Variants in ESRRB observed in about 807,000 individuals in gnomAD.
ESRRB encodes steroid hormone receptor ERR2.
Under a neutral mutation model 46.0 loss-of-function variants are expected in ESRRB, and 16 were observed. That is an observed-to-expected ratio of 0.35 (90% CI 0.24 to 0.53). The LOEUF is 0.53. Among genes scored for constraint, ESRRB ranks in the 20% least tolerant of loss-of-function variants. The pLI is 0.93. For synonymous variants in ESRRB, 246 were observed against 259.6 expected, an observed-to-expected ratio of 0.95 and a Z score of 0.50; for missense variants, 488 against 607.4, an observed-to-expected ratio of 0.80 and a Z score of 2.07.
At chr14:76,463,445 G>GC (rs1888961932) in intron 3 of ESRRB, 1 of 114,738 alleles carries the variant, frequency 8.7e-6, no homozygotes, top group South Asian at 2.7e-4. Flanking sequence ...ATGCTTCTTT[G>GC]TTTTTTTTTT....
chr14:76,449,104 C>T (rs1317129368), intron 2 of ESRRB, among the ~76,000 whole-genome samples: 1 of 152,014 alleles, frequency 6.6e-6, no homozygotes, highest in African/African-American at 2.4e-5. Flanking sequence ...TTATTTTAAG[C>T]CATAAGTATA....
rs1887878282 is a variant in ESRRB at position 76,440,567 on chromosome 14, T to TCCTTCCTTTCTTCCTC, written c.460+825_460+840dup. Among the ~76,000 whole-genome samples the TCCTTCCTTTCTTCCTC allele has an allele frequency of 2.0e-5, 3 of 151,624 alleles. No homozygotes were observed. The South Asian group carries it at 6.3e-4, about 32-fold the overall frequency. On this transcript the variant is annotated intron_variant, in intron 2 of 6. Transcript: ENST00000644823. ...GACCGACCTTCCTTCATTCCTTCCT[T>TCCTTCCTTTCTTCCTC]CCTTCCTTTCTTCCTCCCTTCCTCT...
At chr14:76,420,773 G>A (rs1886922635) in intron 1 of ESRRB, among the ~76,000 whole-genome samples, 1 of 152,136 alleles carries the variant, frequency 6.6e-6, no homozygotes, top group Non-Finnish European at 1.5e-5. Context: ...CCTGGAACCG[G>A]TGGCCACCAT....
chr14:76,391,644 G>A (rs927522632), intron 1 of ESRRB, among the ~76,000 whole-genome samples: 4 of 152,218 alleles, frequency 2.6e-5, no homozygotes, highest in African/African-American at 9.7e-5. Context: ...CTCCTCAAGG[G>A]CCCATCTGGT....
intron 1 of ESRRB, among the ~76,000 whole-genome samples, chr14:76,353,521 G>A (rs1023898810): frequency 6.6e-6 from 1 of 152,108 alleles, no homozygotes; most frequent in Non-Finnish European, 1.5e-5. Flanking sequence ...TTTATGAACC[G>A]CTAAGCATGT....
chr14:76,358,323 AAAAGAAAGAAAGAAAGAAAGAAAG>A (rs869092343), intron 1 of ESRRB, among the ~76,000 whole-genome samples: 4,489 of 52,906 alleles, frequency 0.085, 522 homozygotes, highest in East Asian at 0.1. Flanking sequence ...AAAAAAAAAA[AAAAGAAAGAAAGAAAGAAAGAAAG>A]AAAGAAAGAA....
chr14:76,344,113 C>T (rs538283097), intron 1 of ESRRB, among the ~76,000 whole-genome samples: 4 of 152,262 alleles, frequency 2.6e-5, no homozygotes, highest in African/African-American at 9.6e-5. Flanking sequence ...TCAGTTTTCT[C>T]ATCTGTAAAA....
At chr14:76,436,001 C>T (rs1192872732) in intron 1 of ESRRB, among the ~76,000 whole-genome samples, 3 of 152,176 alleles carry the variant, frequency 2.0e-5, no homozygotes, top group Admixed American at 6.5e-5. Context: ...GAGTTAATAG[C>T]GGGTTTCCCT....
rs1317093804 is a variant in ESRRB, at chr14:76,376,631, C to A, written c.50+180C>A. Among the ~76,000 whole-genome samples, 1 of 152,190 alleles carries A rather than the reference C, an allele frequency of 6.6e-6. No homozygotes were observed. Among genetic ancestry groups the A allele is most frequent in the African/African-American group, 2.4e-5 (1 of 41,444 alleles). ...TCTGGGTTTCTTTCTAGGGCATAAA[C>A]CCTCCTCTAACTTTTTCCCGCACCC... is the stretch of plus-strand genomic sequence containing the variant. On this transcript the variant is annotated intron_variant, in intron 1 of 6. Coordinates refer to ENST00000644823, the MANE Select transcript of ESRRB (RefSeq NM_001379180.1). This position sits in a 1 kb window ranked among gnomAD's most constrained non-coding sequence, Gnocchi z 4.1.
At chr14:76,457,574 T>C (rs748788416) in intron 2 of ESRRB, among the ~76,000 whole-genome samples, 26 of 152,234 alleles carry the variant, frequency 1.7e-4, no homozygotes, top group Non-Finnish European at 2.6e-4. Flanking sequence ...AAGATCTGCC[T>C]GAATATAAAA....
At chr14:76,395,084 G>T (rs1228584385) in intron 1 of ESRRB, among the ~76,000 whole-genome samples, 1 of 151,880 alleles carries the variant, frequency 6.6e-6, no homozygotes, top group East Asian at 1.9e-4. Context: ...GGTGACCTCA[G>T]TAGGAGCTCT....
chr14:76,439,383 C>T lies in ESRRB; in HGVS notation c.93C>T (p.Ser31=). ...RMSSDDRHLG[S]SCGSFIKTEP... is the part of the protein sequence containing the mutation. ...CCTCGGACGACAGGCACCTGGGCTC[C>T]AGCTGCGGCTCCTTCATCAAGACTG... Residue 31 remains serine, a synonymous_variant, in exon 2 of 7, where the codon TCC becomes TCT. Coordinates refer to ENST00000644823, the MANE Select transcript of ESRRB (RefSeq NM_001379180.1). 1 of 1,613,706 alleles carries T rather than the reference C, an allele frequency of 6.2e-7. No homozygotes were observed. The highest frequency in any genetic ancestry group is 1.1e-5 in the South Asian group (1 of 91,086).
At chr14:76,398,863 G>A (rs1460476657) in intron 1 of ESRRB, among the ~76,000 whole-genome samples, 1 of 152,188 alleles carries the variant, frequency 6.6e-6, no homozygotes, top group East Asian at 1.9e-4. Context: ...AGGTCTGCCT[G>A]CCTCCTAAGT....
intron 1 of ESRRB, among the ~76,000 whole-genome samples, chr14:76,361,722 T>G (rs538953392): frequency 6.6e-6 from 1 of 152,314 alleles, no homozygotes; most frequent in South Asian, 2.1e-4. Context: ...CATGGGCATC[T>G]CTCATGGATG....
intron 1 of ESRRB, among the ~76,000 whole-genome samples, chr14:76,339,756 C>T (rs1884169934): frequency 6.6e-6 from 1 of 152,190 alleles, no homozygotes; most frequent in Non-Finnish European, 1.5e-5. Flanking sequence ...GGGCAGGGGG[C>T]TCTCCCAGCT....
At chr14:76,361,452 G>T (rs1884463223) in intron 1 of ESRRB, among the ~76,000 whole-genome samples, 1 of 152,220 alleles carries the variant, frequency 6.6e-6, no homozygotes, top group East Asian at 1.9e-4. Flanking sequence ...CTAGTGTTTG[G>T]ATTGTTACAT....
chr14:76,341,287 C>T (rs541567871), intron 1 of ESRRB, among the ~76,000 whole-genome samples: 1 of 152,368 alleles, frequency 6.6e-6, no homozygotes, highest in East Asian at 1.9e-4. Context: ...TGGTTCTCGG[C>T]CTGGGGGCCT....
intron 5 of ESRRB, among the ~76,000 whole-genome samples, chr14:76,486,458 A>G (rs1890022996): frequency 6.6e-6 from 1 of 152,174 alleles, no homozygotes; most frequent in Non-Finnish European, 1.5e-5. Context: ...CAGATCCTAT[A>G]ATTACATCTC....
intron 2 of ESRRB, among the ~76,000 whole-genome samples, chr14:76,461,873 G>A (rs929822596): frequency 3.3e-5 from 5 of 152,176 alleles, no homozygotes; most frequent in Non-Finnish European, 7.3e-5. Context: ...GATTCCCTCC[G>A]CTGAATGAAC....
Sources: allele counts gnomAD v4.1 joint callset (sites outside exome capture counted in the v4.1 genomes callset), GRCh38; gene constraint gnomAD v4.1.1; non-coding constraint Gnocchi (gnomAD v3.1); transcripts MANE v1.5; gene names NCBI Gene and HGNC (gene_info 2026-07-23, HGNC 2026-07-21).